NFATC3: variants seen among roughly 807,000 people sequenced by gnomAD.
NFATC3 encodes the protein nuclear factor of activated T-cells, cytoplasmic 3.
NFATC3 carries 46 observed loss-of-function variants against 98.6 expected under a neutral mutation model. That is an observed-to-expected ratio of 0.47 (90% confidence interval 0.37 to 0.60). The LOEUF is 0.60. Among genes scored for constraint, NFATC3 ranks in the 20% least tolerant of loss-of-function variants. NFATC3 has a pLI of 0.00. For missense variants in NFATC3, 1,256 were observed against 1,295.5 expected, an observed-to-expected ratio of 0.97 and a Z score of 0.47; for synonymous variants, 512 against 472.2, an observed-to-expected ratio of 1.08 and a Z score of -1.09.
chr16:68,178,778 G>A (rs1408088544), intron 6 of NFATC3, among the ~76,000 whole-genome samples: 1 of 152,082 alleles, frequency 6.6e-6, no homozygotes, highest in Non-Finnish European at 1.5e-5. Flanking sequence ...CAATTAATAG[G>A]TATTATTGAA....
rs762594399 is a variant in NFATC3 at position 68,122,296 on chromosome 16, G to A, written c.413G>A (p.Arg138Gln). ...EDDLQINDPEREFLERPSRDH... is the reference protein window; with the variant it reads ...EDDLQINDPEQEFLERPSRDH... ...GACCTACAGATAAATGACCCAGAACGGGAATTTTTGGAAAGGCCTTCTAGA... is the reference window on the plus strand; with the variant it reads ...GACCTACAGATAAATGACCCAGAACAGGAATTTTTGGAAAGGCCTTCTAGA... The change falls in exon 2 of 10, where the codon CGG (arginine) becomes CAG (glutamine). Residue 138 changes from arginine to glutamine, a missense_variant. Physicochemically the swap from Arg to Gln is conservative, Grantham distance 43 (BLOSUM62 1). Coordinates refer to ENST00000346183, the MANE Select transcript of NFATC3 (RefSeq NM_173165.3). 4.3e-5 allele frequency: 70 copies of A among 1,614,048 alleles called. No homozygotes were observed. The highest frequency in any genetic ancestry group is 5.5e-5 in the Non-Finnish European group (65 of 1,180,020).
Position 68,122,312 on chromosome 16 carries a change from G to C in NFATC3, c.429G>C (p.Arg143Ser), listed in dbSNP as rs1038326116. 6.2e-7 allele frequency: 1 copy of C among 1,614,076 alleles called. No homozygotes were observed. Among genetic ancestry groups the C allele is most frequent in the South Asian group, 1.1e-5 (1 of 91,080 alleles). Reference protein sequence around the residue: ...INDPEREFLERPSRDHLYLPL... With the variant: ...INDPEREFLESPSRDHLYLPL... ...ACCCAGAACGGGAATTTTTGGAAAG[G>C]CCTTCTAGAGATCATCTCTATCTTC... is the stretch of plus-strand genomic sequence containing the variant. The change falls in exon 2 of 10, where the codon AGG (arginine) becomes AGC (serine). Residue 143 changes from arginine (R) to serine (S), a missense_variant. Physicochemically the swap from Arg to Ser is moderately radical, Grantham distance 110. Around this residue, in one of 3 missense-constraint regions of NFATC3, gnomAD observed 464 missense variants for 465.7 expected, o/e 1.00. Coordinates refer to ENST00000346183, the MANE Select transcript of NFATC3 (RefSeq NM_173165.3).
chr16:68,192,777 C>T (rs2040499988), intron 9 of NFATC3, among the ~76,000 whole-genome samples: 1 of 152,122 alleles, frequency 6.6e-6, no homozygotes, highest in Non-Finnish European at 1.5e-5. Flanking sequence ...GTGGGAGGAT[C>T]ACCTGAGCTG....
intron 3 of NFATC3, among the ~76,000 whole-genome samples, chr16:68,147,886 T>C (rs1404021111): frequency 6.6e-6 from 1 of 152,158 alleles, no homozygotes; most frequent in Non-Finnish European, 1.5e-5. Flanking sequence ...GCATTATTAC[T>C]TACCCCATCT....
chr16:68,199,628 G>A (rs536210013), intron 9 of NFATC3, among the ~76,000 whole-genome samples: 9 of 150,256 alleles, frequency 6.0e-5, no homozygotes, highest in African/African-American at 2.2e-4. Flanking sequence ...TCACTCTGTC[G>A]CCCAGGCTGG....
chr16:68,180,504 T>A (rs2039907906), intron 6 of NFATC3, among the ~76,000 whole-genome samples: 1 of 151,946 alleles, frequency 6.6e-6, no homozygotes, highest in Non-Finnish European at 1.5e-5. Flanking sequence ...TTTATTTTTA[T>A]TTTTTTTAAA....
chr16:68,209,052 G>A (rs1161141249), intron 9 of NFATC3, among the ~76,000 whole-genome samples: 1 of 152,090 alleles, frequency 6.6e-6, no homozygotes, highest in African/African-American at 2.4e-5. Context: ...GAAAGAGTGG[G>A]CATCTTTGCT....
chr16:68,191,435 T>G lies in NFATC3; in HGVS notation c.2766T>G (p.Ser922=). ...CATATGGTCCTTCACATTCAGGGTC[T>G]GCTACAACAGCTTCCCCAGCAGCTT... is the stretch of plus-strand genomic sequence containing the variant. ...PITYGPSHSG[S]ATTASPAASH... The change falls in exon 9 of 10, where the codon TCT becomes TCG. Residue 922 remains serine (S), a synonymous_variant. Transcript: ENST00000346183. 1 of 1,614,186 alleles carries G rather than the reference T, an allele frequency of 6.2e-7. No individual in the cohort carries two copies. Among genetic ancestry groups the G allele is most frequent in the South Asian group, 1.1e-5 (1 of 91,090 alleles).
Position 68,157,893 on chromosome 16 carries a change from A to G in NFATC3, c.1426A>G (p.Ile476Val), listed in dbSNP as rs150423397. The change falls in exon 4 of 10, where the codon ATA becomes GTA. Residue 476 changes from isoleucine (I) to valine (V), a missense_variant. Coordinates refer to ENST00000346183, the MANE Select transcript of NFATC3 (RefSeq NM_173165.3). ...VKLLGYNEKPINLQMFIGTAD... is the reference protein window; with the variant it reads ...VKLLGYNEKPVNLQMFIGTAD... ...GCTCCTGGGCTATAACGAAAAGCCA[A>G]TAAATCTACAAATGTTTATTGGGAC... 78 of 1,613,520 alleles carry G rather than the reference A, an allele frequency of 4.8e-5. No homozygotes were observed. Among genetic ancestry groups the G allele is most frequent in the South Asian group, 1.4e-4 (13 of 90,890 alleles).
intron 1 of NFATC3, among the ~76,000 whole-genome samples, chr16:68,113,951 C>T (rs548280447): frequency 1.3e-5 from 2 of 152,230 alleles, no homozygotes; most frequent in East Asian, 1.9e-4. Context: ...CAGACTGGAG[C>T]CGCAGTGATG....
At chr16:68,090,530 C>T (rs2034654948) in intron 1 of NFATC3, among the ~76,000 whole-genome samples, 1 of 152,084 alleles carries the variant, frequency 6.6e-6, no homozygotes, top group African/African-American at 2.4e-5. Flanking sequence ...AATATTTGGT[C>T]TTAAGACATT....
At chr16:68,178,121 T>C (rs1247715740) in intron 6 of NFATC3, among the ~76,000 whole-genome samples, 2 of 152,190 alleles carry the variant, frequency 1.3e-5, no homozygotes, top group Admixed American at 6.5e-5. Context: ...TTTTGAGAAA[T>C]TTTATTAGCT....
intron 6 of NFATC3, among the ~76,000 whole-genome samples, chr16:68,175,504 T>TA (rs1598507618): frequency 6.6e-6 from 1 of 152,250 alleles, no homozygotes; most frequent in East Asian, 1.9e-4. Flanking sequence ...TGTGCATATT[T>TA]AAAACACTTT....
chr16:68,224,260 C>T (rs994683224), intron 9 of NFATC3, among the ~76,000 whole-genome samples: 6 of 150,156 alleles, frequency 4.0e-5, no homozygotes, highest in Admixed American at 2.7e-4. Context: ...GTACTAACCA[C>T]AGCTAAGCCA....
At chr16:68,103,214 T>G (rs2035467631) in intron 1 of NFATC3, among the ~76,000 whole-genome samples, 1 of 151,338 alleles carries the variant, frequency 6.6e-6, no homozygotes, top group Admixed American at 6.6e-5. Context: ...TATTATTATT[T>G]TCTTCTGAGA....
At chr16:68,214,875 T>C (rs2041571762) in intron 9 of NFATC3, among the ~76,000 whole-genome samples, 1 of 152,124 alleles carries the variant, frequency 6.6e-6, no homozygotes, top group Non-Finnish European at 1.5e-5. Flanking sequence ...GCCTCCCCTG[T>C]GGGCCCATGT....
At chr16:68,148,126 C>T (rs2038131402) in intron 3 of NFATC3, among the ~76,000 whole-genome samples, 1 of 152,126 alleles carries the variant, frequency 6.6e-6, no homozygotes, top group African/African-American at 2.4e-5. Context: ...AGCGATTCTC[C>T]TGCCTCAGTC....
chr16:68,160,081 C>G (rs893243091), intron 4 of NFATC3, among the ~76,000 whole-genome samples: 9 of 151,748 alleles, frequency 5.9e-5, no homozygotes, highest in Non-Finnish European at 1.0e-4. Context: ...AAAAAGAAAC[C>G]CCAAAAAATC....
intron 1 of NFATC3, among the ~76,000 whole-genome samples, chr16:68,089,887 G>A (rs1006712693): frequency 1.3e-5 from 2 of 152,100 alleles, no homozygotes; most frequent in Non-Finnish European, 2.9e-5. Flanking sequence ...GAAGGAATGT[G>A]CTATATACTA....
Sources: allele counts gnomAD v4.1 joint callset (sites outside exome capture counted in the v4.1 genomes callset), GRCh38; gene constraint gnomAD v4.1.1; regional missense constraint gnomAD v4.1.1; transcripts MANE v1.5; gene names NCBI Gene and HGNC (gene_info 2026-07-23, HGNC 2026-07-21).